Variants in ANK3 observed in about 807,000 individuals in gnomAD.
ANK3 encodes the protein ankyrin-3.
ANK3 carries 57 observed loss-of-function variants against 370.9 expected under a neutral mutation model. The observed-to-expected ratio is 0.15, with a 90% CI of 0.12 to 0.19. The LOEUF is 0.19. ANK3 is among the 10% of genes least tolerant of loss of function. The pLI is 1.00. For missense variants in ANK3, 4,439 were observed against 5,302.1 expected (o/e 0.84, Z 5.06); for synonymous variants, 1,929 against 1,946.3 (o/e 0.99, Z 0.23).
chr10:60,189,761 T>C (rs1019434523), intron 16 of ANK3, among the ~76,000 whole-genome samples: 1 of 152,220 alleles, frequency 6.6e-6, no homozygotes, highest in African/African-American at 2.4e-5. Context: ...TTTTCCCTCT[T>C]GATGTAGAGG....
Position 60,727,637 on chromosome 10 carries a change from A to T in ANK3, c.57+5626T>A, listed in dbSNP as rs534812236. On this transcript the variant is annotated intron_variant, in intron 1 of 43. Transcript: ENST00000373827. ...AGCAAAACAAGAATCTATTATGCTT[A>T]ACTTGACATCCTTAGAAACAGGGTC... 3.3e-5 allele frequency among the ~76,000 whole-genome samples: 5 copies of T among 152,332 alleles called. No individual in the cohort carries two copies. In the East Asian group the frequency reaches 9.6e-4, roughly 29 times the overall value.
At chr10:60,548,529 C>A (rs1409927110) in intron 2 of ANK3, among the ~76,000 whole-genome samples, 2 of 152,022 alleles carry the variant, frequency 1.3e-5, no homozygotes, top group Non-Finnish European at 2.9e-5. Context: ...GGATAACAGG[C>A]ATGAGCCACT....
intron 1 of ANK3, among the ~76,000 whole-genome samples, chr10:60,388,798 C>A (rs2062791039): frequency 6.6e-6 from 1 of 152,170 alleles, no homozygotes; most frequent in Non-Finnish European, 1.5e-5. Flanking sequence ...GAAAAACAAA[C>A]CTCTGTGATT....
chr10:60,457,198 A>C (rs997067508), intron 2 of ANK3, among the ~76,000 whole-genome samples: 20 of 152,162 alleles, frequency 1.3e-4, no homozygotes, highest in Admixed American at 2.0e-4. Flanking sequence ...AAGAAGCTAA[A>C]CATGTGCAAA....
intron 1 of ANK3, among the ~76,000 whole-genome samples, chr10:60,359,942 T>G (rs80052004): frequency 6.6e-6 from 1 of 152,212 alleles, no homozygotes; most frequent in East Asian, 1.9e-4. Flanking sequence ...ACTTAAAGGA[T>G]TAAGCACAAC....
chr10:60,302,230 G>A (rs2043975294), intron 1 of ANK3, among the ~76,000 whole-genome samples: 1 of 152,086 alleles, frequency 6.6e-6, no homozygotes, highest in African/African-American at 2.4e-5. Flanking sequence ...AGCATGGAAG[G>A]GGGAATCATA....
At position 60,134,932 on chromosome 10, in the gene ANK3, T is replaced by C. The variant is rs116408073; in HGVS notation, c.2739-559A>G. On this transcript the variant is annotated intron_variant, in intron 24 of 43. Coordinates refer to ENST00000280772, the MANE Select transcript of ANK3 (RefSeq NM_020987.5). ...CTTCCTGGCTTTGAGGAAACATTCATATTCCCTGCATGGTTATTTGGTCTT... is the reference window on the plus strand; with the variant it reads ...CTTCCTGGCTTTGAGGAAACATTCACATTCCCTGCATGGTTATTTGGTCTT... Among the ~76,000 whole-genome samples the C allele has an allele frequency of 4.3e-3, 648 of 152,328 alleles. 5 individuals are homozygous for C. Among genetic ancestry groups the C allele is most frequent in the African/African-American group, 0.015 (611 of 41,576 alleles).
At chr10:60,180,991 T>C (rs1241064227) in intron 18 of ANK3, among the ~76,000 whole-genome samples, 1 of 152,172 alleles carries the variant, frequency 6.6e-6, no homozygotes, top group Non-Finnish European at 1.5e-5. Context: ...ATTTGTCTAT[T>C]TGTCTGCATT....
chr10:60,193,358 T>C (rs1327537439), intron 16 of ANK3, among the ~76,000 whole-genome samples: 1 of 152,184 alleles, frequency 6.6e-6, no homozygotes, highest in Non-Finnish European at 1.5e-5. Context: ...TATTGCCCTG[T>C]TTAAGAGTTA....
At chr10:60,529,339 C>A (rs956440151) in intron 2 of ANK3, among the ~76,000 whole-genome samples, 1 of 152,110 alleles carries the variant, frequency 6.6e-6, no homozygotes, top group Non-Finnish European at 1.5e-5. Flanking sequence ...AATGCCTAGG[C>A]ATAAACACAA....
At position 60,069,577 on chromosome 10, in the gene ANK3, A is replaced by G; in HGVS notation, c.11304T>C (p.Asn3768=). Reference sequence around the variant, plus strand: ...CATGGGGCCTAACGCCCATCTGGCTATTGGCTGTATTTGAAATCATTGTTA... The same window carrying G: ...CATGGGGCCTAACGCCCATCTGGCTGTTGGCTGTATTTGAAATCATTGTTA... ...ETITMISNTA[N]SQMGVRPHEK... is the part of the protein sequence containing the mutation. The change falls in exon 37 of 44, where the codon AAT becomes AAC. Residue 3768 remains asparagine (N), a synonymous_variant. Transcript: ENST00000280772. 1 of 1,613,686 alleles carries G rather than the reference A, an allele frequency of 6.2e-7. No homozygotes were observed. Among genetic ancestry groups the G allele is most frequent in the South Asian group, 1.1e-5 (1 of 90,946 alleles).
Position 60,070,160 on chromosome 10 carries a change from C to T in ANK3, c.10721G>A (p.Arg3574His), listed in dbSNP as rs761460860. ...TKPFGLAVED[R>H]SPATTPDTTP... ...TGTATCAGGGGTTGTTGCTGGAGAGCGGTCTTCTACCGCCAGCCCAAATGG... is the reference window on the plus strand; with the variant it reads ...TGTATCAGGGGTTGTTGCTGGAGAGTGGTCTTCTACCGCCAGCCCAAATGG... Residue 3574 changes from arginine to histidine, a missense_variant, in exon 37 of 44, where the codon CGC becomes CAC. Transcript: ENST00000280772. This position sits in a 1 kb window ranked among gnomAD's most constrained non-coding sequence, Gnocchi z 5.7. The T allele has an allele frequency of 1.4e-5, 22 of 1,614,008 alleles. No homozygotes were observed. The highest frequency in any genetic ancestry group is 6.7e-5 in the East Asian group (3 of 44,890).
chr10:60,098,690 T>A (rs1167908045), intron 28 of ANK3, among the ~76,000 whole-genome samples: 1 of 152,236 alleles, frequency 6.6e-6, no homozygotes, highest in Non-Finnish European at 1.5e-5. Flanking sequence ...TTAAAATAAT[T>A]ATAAATTCAT....
rs539885495 is a variant in ANK3 at position 60,186,889 on chromosome 10, G to A, written c.1911C>T (p.Ile637=). The A allele has an allele frequency of 4.3e-6, 7 of 1,614,082 alleles. No individual in the cohort carries two copies. Among genetic ancestry groups the A allele is most frequent in the East Asian group, 2.2e-5 (1 of 44,860 alleles). Residue 637 remains isoleucine (I), a synonymous_variant, in exon 17 of 44, where the codon ATC becomes ATT. Transcript: ENST00000280772. ...AAKNGYTPLH[I]AAKKNQMDIA... is the part of the protein sequence containing the mutation. ...TGTCCATCTGGTTCTTTTTGGCAGC[G>A]ATGTGCAGTGGCGTATAACCATTCT...
At chr10:60,588,764 G>A (rs2077869771) in intron 2 of ANK3, among the ~76,000 whole-genome samples, 1 of 151,820 alleles carries the variant, frequency 6.6e-6, no homozygotes, top group African/African-American at 2.4e-5. Context: ...AAAAAACATA[G>A]TTGGGCATGG....
intron 2 of ANK3, among the ~76,000 whole-genome samples, chr10:60,606,404 A>G (rs2078128817): frequency 6.6e-6 from 1 of 152,132 alleles, no homozygotes; most frequent in Non-Finnish European, 1.5e-5. Flanking sequence ...ATTTCTGTAG[A>G]GAGAAAAGTC....
intron 1 of ANK3, among the ~76,000 whole-genome samples, chr10:60,702,216 T>C (rs555759020): frequency 6.6e-6 from 1 of 150,914 alleles, no homozygotes; most frequent in East Asian, 2.0e-4. Context: ...CAAAAAGCTG[T>C]GATTTCGCCA....
intron 9 of ANK3, 130 bp from the exon 10 acceptor site, chr10:60,208,363 C>G (rs993861845): frequency 6.4e-6 from 5 of 782,050 alleles, no homozygotes; most frequent in Non-Finnish European, 1.0e-5. Flanking sequence ...TTTGTAAAAG[C>G]TTTTGACAAC....
At chr10:60,391,160 C>A (rs1004423393), upstream of ANK3, among the ~76,000 whole-genome samples, 3 of 152,184 alleles carry the variant, frequency 2.0e-5, no homozygotes, top group African/African-American at 4.8e-5. Context: ...GCATCCCATT[C>A]CTACTACCAA....
Sources: gnomAD v4.1 joint callset for allele counts (sites outside exome capture counted in the v4.1 genomes callset) on GRCh38, gnomAD v4.1.1 for gene constraint, Gnocchi (gnomAD v3.1) non-coding constraint, MANE v1.5 for transcripts, NCBI Gene and HGNC (gene_info 2026-07-23, HGNC 2026-07-21) for gene names.